Variants in ATP8B4 observed in about 807,000 individuals in gnomAD.
ATP8B4 encodes the protein probable phospholipid-transporting ATPase IM.
Under a neutral mutation model 145.6 loss-of-function variants are expected in ATP8B4, and 133 were observed. The observed-to-expected ratio is 0.91, with a 90% CI of 0.79 to 1.05. ATP8B4 has a LOEUF of 1.05. Ranked by LOEUF, ATP8B4 falls within the 50% of genes least tolerant of loss-of-function variation. The pLI is 0.00. For missense variants in ATP8B4, 1,458 were observed against 1,425.2 expected, an observed-to-expected ratio of 1.02 and a Z score of -0.37; for synonymous variants, 507 against 492.9, an observed-to-expected ratio of 1.03 and a Z score of -0.38.
In ATP8B4 at chr15:49,931,091, C is replaced by A. The variant is rs369007289; in HGVS notation, c.1642+28G>T. On this transcript the variant is annotated intron_variant, in intron 16 of 27. Transcript: ENST00000284509. ...CATAACCACAACAGTATGAAAAGAT[C>A]AAAAATAGTCTTAGCTACCAACCAT... 13 of 1,579,476 alleles carry A rather than the reference C, an allele frequency of 8.2e-6. No homozygotes were observed. The African/African-American group carries it at 1.5e-4, about 18-fold the overall frequency.
intron 17 of ATP8B4, among the ~76,000 whole-genome samples, chr15:49,921,031 A>G (rs749150644): frequency 1.3e-5 from 2 of 152,308 alleles, no homozygotes; most frequent in Non-Finnish European, 2.9e-5. Flanking sequence ...TAGATGTTAA[A>G]TAGTCAGATA....
chr15:50,154,447 A>T (rs2044387039), intron 1 of ATP8B4, among the ~76,000 whole-genome samples: 4 of 152,180 alleles, frequency 2.6e-5, no homozygotes, highest in Admixed American at 2.6e-4. Context: ...AGTTTTTCTC[A>T]CCAAAAACAT....
chr15:49,859,965 C>T lies in ATP8B4; in HGVS notation c.*229G>A, dbSNP rs771510074. ...AAAAAAAAATCTGTACTTGTAACAG[C>T]GAGTGTTTTGTCCACCAAATCACAA... On this transcript the variant is annotated 3_prime_UTR_variant, in exon 28 of 28. Transcript: ENST00000284509. The T allele has an allele frequency of 2.5e-5, 12 of 481,726 alleles. No individual in the cohort carries two copies. In the East Asian group the frequency reaches 2.6e-4, roughly 10 times the overall value. 29.8% of individuals were successfully genotyped at this position (481,726 alleles called of 1,614,324 possible). A position where few individuals can be genotyped will look rare whatever the true frequency, so the allele number is the denominator to read the frequency against.
At chr15:49,941,564 A>G (rs1187428898) in intron 14 of ATP8B4, among the ~76,000 whole-genome samples, 1 of 152,188 alleles carries the variant, frequency 6.6e-6, no homozygotes, top group East Asian at 1.9e-4. Context: ...ACCTTTATTG[A>G]AAAGGGAAGG....
chr15:49,935,618 C>T (rs192669858), intron 14 of ATP8B4, among the ~76,000 whole-genome samples: 1 of 151,926 alleles, frequency 6.6e-6, no homozygotes, highest in East Asian at 1.9e-4. Context: ...TCTTCATGCC[C>T]CCACCTCCAT....
chr15:50,101,964 G>A (rs1027814376), intron 2 of ATP8B4, among the ~76,000 whole-genome samples: 1 of 152,034 alleles, frequency 6.6e-6, no homozygotes, highest in Non-Finnish European at 1.5e-5. Flanking sequence ...CAAATAAATG[G>A]AAATTAAATA....
intron 20 of ATP8B4, among the ~76,000 whole-genome samples, chr15:49,908,859 T>C (rs917668132): frequency 2.6e-5 from 4 of 152,086 alleles, no homozygotes; most frequent in Non-Finnish European, 4.4e-5. Flanking sequence ...CATTTCCACA[T>C]GCCCTAAGGA....
At chr15:50,156,016 A>G (rs1212766354) in intron 1 of ATP8B4, among the ~76,000 whole-genome samples, 10 of 138,814 alleles carry the variant, frequency 7.2e-5, no homozygotes, top group African/African-American at 2.3e-4. Context: ...TGACTGGTAT[A>G]AAAAAAAAAC....
chr15:50,015,274 G>C lies in ATP8B4; in HGVS notation c.363-4357C>G, dbSNP rs375870126. ...AATGAAGAGGGAAATTGGGATGGAA[G>C]AGAGACTTCGTTTCCATTTTACGTT... On this transcript the variant is annotated intron_variant, in intron 6 of 27. Transcript: ENST00000284509. Among the ~76,000 whole-genome samples, 4 of 152,346 alleles carry C rather than the reference G, an allele frequency of 2.6e-5. No individual in the cohort carries two copies. In the East Asian group the frequency reaches 7.7e-4, roughly 29 times the overall value.
At chr15:49,977,593 G>C (rs1209530150) in intron 12 of ATP8B4, among the ~76,000 whole-genome samples, 2 of 151,670 alleles carry the variant, frequency 1.3e-5, no homozygotes, top group South Asian at 2.1e-4. Flanking sequence ...AAGATTGTTG[G>C]GAAACATAAA....
chr15:50,105,171 G>T (rs1036672326), intron 2 of ATP8B4, among the ~76,000 whole-genome samples: 6 of 151,234 alleles, frequency 4.0e-5, no homozygotes, highest in Non-Finnish European at 8.8e-5. Flanking sequence ...CAGGTGATGG[G>T]TGCACCAAAT....
intron 4 of ATP8B4, among the ~76,000 whole-genome samples, chr15:50,047,018 A>T (rs1353910323): frequency 6.6e-6 from 1 of 152,190 alleles, no homozygotes; most frequent in East Asian, 1.9e-4. Context: ...TTCTGCCTCA[A>T]CTCTGGCAAT....
intron 1 of ATP8B4, among the ~76,000 whole-genome samples, chr15:50,165,309 T>G (rs914734865): frequency 3.3e-5 from 5 of 152,192 alleles, no homozygotes; most frequent in African/African-American, 1.2e-4. Flanking sequence ...CGCCTCAGCC[T>G]CCCAAAGTGC....
At chr15:50,007,072 A>T (rs2048354315) in intron 7 of ATP8B4, among the ~76,000 whole-genome samples, 1 of 135,968 alleles carries the variant, frequency 7.4e-6, no homozygotes, top group Non-Finnish European at 1.6e-5. Flanking sequence ...TGAATTTTAA[A>T]ATGTACATAC....
At chr15:49,919,419 T>C (rs2040044894) in intron 18 of ATP8B4, among the ~76,000 whole-genome samples, 1 of 152,140 alleles carries the variant, frequency 6.6e-6, no homozygotes, top group African/African-American at 2.4e-5. Context: ...CCTTTTCCTT[T>C]CTTTCTTTTT....
intron 1 of ATP8B4, among the ~76,000 whole-genome samples, chr15:50,135,449 G>A (rs17499601): frequency 0.16 from 24,628 of 152,022 alleles, 2,263 homozygotes; most frequent in Non-Finnish European, 0.21. Flanking sequence ...TGCGGCTTGC[G>A]GGAATTGCTT....
Position 49,897,356 on chromosome 15 carries a change from T to A in ATP8B4, c.2633A>T (p.Tyr878Phe). Residue 878 changes from tyrosine to phenylalanine, a missense_variant, in exon 23 of 28, where the codon TAT (tyrosine) becomes TTT (phenylalanine). Physicochemically the swap from Tyr to Phe is conservative, Grantham distance 22 (BLOSUM62 3). Coordinates refer to ENST00000284509, the MANE Select transcript of ATP8B4 (RefSeq NM_024837.4). ...RMCKFLCYFFYKNFAFTLVHF... is the reference protein window; with the variant it reads ...RMCKFLCYFFFKNFAFTLVHF... ...CACAAGTGTAAATGCAAAATTCTTA[T>A]AGAAGAAATAGCATAAGAATTTGCA... The A allele has an allele frequency of 6.2e-7, 1 of 1,613,848 alleles. No individual in the cohort carries two copies. Among genetic ancestry groups the A allele is most frequent in the Non-Finnish European group, 8.5e-7 (1 of 1,179,864 alleles).
chr15:50,101,873 T>C (rs969264472), intron 2 of ATP8B4, among the ~76,000 whole-genome samples: 7 of 151,854 alleles, frequency 4.6e-5, no homozygotes, highest in African/African-American at 9.7e-5. Context: ...TTTAAGAAAA[T>C]TGAAATTATA....
At chr15:50,049,785 C>T (rs941412072) in intron 3 of ATP8B4, among the ~76,000 whole-genome samples, 1 of 152,110 alleles carries the variant, frequency 6.6e-6, no homozygotes, top group Non-Finnish European at 1.5e-5. Flanking sequence ...ATAAGCATTC[C>T]TTTTTCTCTG....
Sources: allele counts gnomAD v4.1 joint callset (sites outside exome capture counted in the v4.1 genomes callset), GRCh38; gene constraint gnomAD v4.1.1; transcripts MANE v1.5; gene names NCBI Gene and HGNC (gene_info 2026-07-23, HGNC 2026-07-21).